The following ARHGEF3 variants were observed in gnomAD, a reference collection of about 807,000 sequenced individuals.
ARHGEF3 encodes the protein Rho guanine nucleotide exchange factor 3.
A neutral mutation model predicts 63.2 loss-of-function variants in ARHGEF3; 28 were observed. That is an observed-to-expected ratio of 0.44 (90% CI 0.33 to 0.61). The LOEUF is 0.61. Ranked by LOEUF, ARHGEF3 falls within the 20% of genes least tolerant of loss-of-function variation. ARHGEF3 has a pLI of 0.03. For synonymous variants in ARHGEF3, 266 were observed against 254.2 expected (o/e 1.05, Z -0.44); for missense variants, 533 against 659.3 (o/e 0.81, Z 2.10).
At chr3:56,862,650 T>C (rs889680380) in intron 4 of ARHGEF3, among the ~76,000 whole-genome samples, 1 of 152,216 alleles carries the variant, frequency 6.6e-6, no homozygotes, top group African/African-American at 2.4e-5. Flanking sequence ...TTACACCTCT[T>C]GCCTTCCCCT....
chr3:56,734,846 G>A (rs2033489438), intron 8 of ARHGEF3, among the ~76,000 whole-genome samples: 1 of 152,170 alleles, frequency 6.6e-6, no homozygotes, highest in South Asian at 2.1e-4. Flanking sequence ...TTTTGGTGTG[G>A]TAGTTGTGGA....
intron 2 of ARHGEF3, among the ~76,000 whole-genome samples, chr3:56,771,108 C>T (rs1324362182): frequency 6.7e-6 from 1 of 148,184 alleles, no homozygotes; most frequent in East Asian, 2.0e-4. Context: ...GGTGAAACTC[C>T]ATCTCAAAAA....
chr3:56,898,644 G>A, intron 3 of ARHGEF3: 1 of 248,796 alleles, frequency 4.0e-6, no homozygotes, highest in Non-Finnish European at 9.0e-6. Flanking sequence ...AAGAACTGGT[G>A]GGGAGTGGGA....
intron 1 of ARHGEF3, among the ~76,000 whole-genome samples, chr3:57,056,401 A>AG (rs1439381096): frequency 1.3e-3 from 197 of 151,216 alleles, no homozygotes; most frequent in African/African-American, 4.4e-3. Context: ...AAAAAAAAAA[A>AG]AAGAAGCAGA....
chr3:56,820,590 C>T (rs530911874), intron 4 of ARHGEF3, among the ~76,000 whole-genome samples: 1 of 152,140 alleles, frequency 6.6e-6, no homozygotes, highest in South Asian at 2.1e-4. Flanking sequence ...ATCACTTGAG[C>T]ATAGGAGTTT....
chr3:56,962,424 G>A lies in ARHGEF3; in HGVS notation c.63-3535C>T, dbSNP rs544046654. 9.1e-4 allele frequency among the ~76,000 whole-genome samples: 139 copies of A among 152,358 alleles called. 1 individual carries two copies. Among genetic ancestry groups the A allele is most frequent in the African/African-American group, 3.1e-3 (127 of 41,590 alleles). On this transcript the variant is annotated intron_variant, in intron 2 of 12. Coordinates refer to the ARHGEF3 transcript ENST00000338458. ...AGCTTCTGAACAAGGCTTGGAGGGC[G>A]TGTCTATCGTCTGTGTCCAGCCCTC...
intron 4 of ARHGEF3, among the ~76,000 whole-genome samples, chr3:56,848,566 C>T (rs548932952): frequency 1.3e-5 from 2 of 152,282 alleles, no homozygotes; most frequent in South Asian, 2.1e-4. Context: ...GTTGTTATCA[C>T]ATAATAAAAG....
At chr3:56,864,830 G>A (rs545309061) in intron 4 of ARHGEF3, among the ~76,000 whole-genome samples, 1 of 152,190 alleles carries the variant, frequency 6.6e-6, no homozygotes, top group African/African-American at 2.4e-5. Context: ...TGTCTTGATA[G>A]CCCCCTCTTC....
At chr3:56,761,170 G>C (rs2035394039) in intron 2 of ARHGEF3, among the ~76,000 whole-genome samples, 1 of 152,174 alleles carries the variant, frequency 6.6e-6, no homozygotes, top group African/African-American at 2.4e-5. Context: ...TCTGGCCCCG[G>C]GGAAAAGGGG....
At chr3:56,808,284 A>C (rs995852884) in intron 4 of ARHGEF3, among the ~76,000 whole-genome samples, 2 of 151,550 alleles carry the variant, frequency 1.3e-5, no homozygotes, top group African/African-American at 4.9e-5. Flanking sequence ...AGCAAAAAAA[A>C]TAGTAATAAT....
intron 2 of ARHGEF3, among the ~76,000 whole-genome samples, chr3:56,761,538 G>C (rs1196206116): frequency 6.6e-6 from 1 of 152,036 alleles, no homozygotes; most frequent in Admixed American, 6.5e-5. Context: ...CTTGAAGGCA[G>C]GCATATCTAC....
chr3:56,889,041 A>C (rs976921215), intron 3 of ARHGEF3, among the ~76,000 whole-genome samples: 6 of 152,216 alleles, frequency 3.9e-5, no homozygotes, highest in African/African-American at 1.4e-4. Context: ...GATCAAGTGA[A>C]CATTGCCAGA....
chr3:56,782,232 G>A (rs2036596633), intron 1 of ARHGEF3, among the ~76,000 whole-genome samples: 1 of 152,148 alleles, frequency 6.6e-6, no homozygotes, highest in Non-Finnish European at 1.5e-5. Context: ...CCCAGAAGAT[G>A]AAAGACAAAT....
chr3:57,026,775 G>A (rs533204452), intron 2 of ARHGEF3, among the ~76,000 whole-genome samples: 102 of 152,288 alleles, frequency 6.7e-4, no homozygotes, highest in Non-Finnish European at 1.2e-3. Context: ...AGGCCACCTG[G>A]TGTGTGTGTC....
intron 3 of ARHGEF3, among the ~76,000 whole-genome samples, chr3:56,922,535 T>C (rs2108369745): frequency 6.6e-6 from 1 of 152,190 alleles, no homozygotes; most frequent in South Asian, 2.1e-4. Flanking sequence ...CTCAGGAGGA[T>C]TTTTAAAAGT....
exon 1 of ARHGEF3, chr3:57,079,232 C>T (rs1366143723): frequency 1.0e-5 from 4 of 397,340 alleles, no homozygotes; most frequent in African/African-American, 2.1e-5. Flanking sequence ...TCACCTCGAC[C>T]CCCGCGCTGG....
rs984771368 is a variant in ARHGEF3 at position 57,007,840 on chromosome 3, G to A, written c.62+27248C>T. ...CATGAGAACACAAGAATCAAACCCT[G>A]CCCCTCTCCTCCTGCATAACAGGAA... On this transcript the variant is annotated intron_variant, in intron 2 of 12. Coordinates refer to the ARHGEF3 transcript ENST00000338458. Among the ~76,000 whole-genome samples, 6 of 152,276 alleles carry A rather than the reference G, an allele frequency of 3.9e-5. No homozygotes were observed. In the East Asian group the frequency reaches 7.7e-4, roughly 20 times the overall value.
intron 2 of ARHGEF3, among the ~76,000 whole-genome samples, chr3:56,994,172 A>G (rs1307254783): frequency 6.6e-6 from 1 of 150,948 alleles, no homozygotes; most frequent in African/African-American, 2.4e-5. Flanking sequence ...GAAATCTCAC[A>G]AGGCTTTGTT....
intron 3 of ARHGEF3, among the ~76,000 whole-genome samples, chr3:56,945,919 C>G (rs1042426798): frequency 6.6e-6 from 1 of 152,172 alleles, no homozygotes; most frequent in African/African-American, 2.4e-5. Context: ...GGGTACTCCT[C>G]TCAGACAAAA....
Sources: allele counts gnomAD v4.1 joint callset (sites outside exome capture counted in the v4.1 genomes callset), GRCh38; gene constraint gnomAD v4.1.1; transcripts MANE v1.5; gene names NCBI Gene and HGNC (gene_info 2026-07-23, HGNC 2026-07-21).